Variants in CCSER1 observed in about 807,000 individuals in gnomAD.
CCSER1 encodes the protein serine-rich coiled-coil domain-containing protein 1.
A neutral mutation model predicts 82.0 loss-of-function variants in CCSER1; 41 were observed. The ratio of observed to expected loss-of-function variants is 0.50; its 90% CI spans 0.39 to 0.65. CCSER1 has a LOEUF of 0.65. Ranked by LOEUF, CCSER1 falls within the 30% of genes least tolerant of loss-of-function variation. The pLI is 0.00. For missense variants in CCSER1, 1,119 were observed against 1,064.2 expected, an observed-to-expected ratio of 1.05 and a Z score of -0.72; for synonymous variants, 414 against 383.9, an observed-to-expected ratio of 1.08 and a Z score of -0.92.
At chr4:90,944,964 A>G (rs1732053512) in intron 9 of CCSER1, among the ~76,000 whole-genome samples, 1 of 152,204 alleles carries the variant, frequency 6.6e-6, no homozygotes, top group African/African-American at 2.4e-5. Flanking sequence ...TATTGTGAAG[A>G]AAATGCTTTA....
chr4:90,309,817 A>G lies in CCSER1; in HGVS notation c.1324+209A>G, dbSNP rs1478190707. Among the ~76,000 whole-genome samples the G allele has an allele frequency of 4.6e-5, 7 of 152,152 alleles. No homozygotes were observed. In the East Asian group the frequency reaches 1.4e-3, roughly 29 times the overall value. On this transcript the variant is annotated intron_variant, in intron 2 of 10. Transcript: ENST00000509176. ...TGTTATGCTGAAAATGTAATTCAGCAATATTACTCATTTTTTCTCACTTAT... is the reference window on the plus strand; with the variant it reads ...TGTTATGCTGAAAATGTAATTCAGCGATATTACTCATTTTTTCTCACTTAT...
chr4:90,923,235 G>T, intron 8 of CCSER1, 135 bp from the exon 9 acceptor site: 1 of 665,526 alleles, frequency 1.5e-6, no homozygotes, highest in Non-Finnish European at 2.7e-6. Flanking sequence ...TATTTTAAGA[G>T]CACTAACACA....
intron 10 of CCSER1, among the ~76,000 whole-genome samples, chr4:91,358,413 C>T (rs79348365): frequency 0.04 from 5,522 of 137,228 alleles, 488 homozygotes; most frequent in African/African-American, 0.15. Flanking sequence ...TTTTTTTTCC[C>T]GAGACAAAAT....
intron 9 of CCSER1, among the ~76,000 whole-genome samples, chr4:90,999,883 T>C (rs1274504244): frequency 3.7e-5 from 2 of 54,122 alleles, no homozygotes; most frequent in Non-Finnish European, 8.9e-5. Flanking sequence ...TCTGAGGTTT[T>C]TTTTTTTTTT....
chr4:90,262,045 G>T lies in CCSER1; in HGVS notation c.-41-46199G>T, dbSNP rs1292109669. On this transcript the variant is annotated intron_variant, in intron 1 of 10. Coordinates refer to ENST00000509176, the MANE Select transcript of CCSER1 (RefSeq NM_001145065.2). ...TTTTGTTGATTTTCACCTTTCTCTGGTATTTCCTTGAGTAGCTTAATAATA... is the reference window on the plus strand; with the variant it reads ...TTTTGTTGATTTTCACCTTTCTCTGTTATTTCCTTGAGTAGCTTAATAATA... 2.0e-5 allele frequency among the ~76,000 whole-genome samples: 3 copies of T among 151,476 alleles called. 1 individual carries two copies. Among genetic ancestry groups the T allele is most frequent in the African/African-American group, 7.3e-5 (3 of 41,280 alleles).
chr4:90,710,288 T>G (rs184358836), intron 6 of CCSER1, among the ~76,000 whole-genome samples: 102 of 152,026 alleles, frequency 6.7e-4, no homozygotes, highest in African/African-American at 2.0e-3. Context: ...TGTTGTTGTT[T>G]TTTGTTTTGT....
chr4:90,713,793 G>A (rs1280155559), intron 6 of CCSER1, among the ~76,000 whole-genome samples: 5 of 151,850 alleles, frequency 3.3e-5, no homozygotes, highest in Admixed American at 2.0e-4. Flanking sequence ...TCAGTCGTAG[G>A]TTCAGTCTCT....
chr4:91,071,960 A>G (rs1358613782), intron 9 of CCSER1, among the ~76,000 whole-genome samples: 1 of 152,156 alleles, frequency 6.6e-6, no homozygotes, highest in Non-Finnish European at 1.5e-5. Flanking sequence ...TGTTAGAAAT[A>G]ATACCCCATA....
intron 4 of CCSER1, among the ~76,000 whole-genome samples, chr4:90,441,254 A>G (rs1759836518): frequency 6.6e-6 from 1 of 152,180 alleles, no homozygotes; most frequent in Middle Eastern, 3.4e-3. Context: ...AGTTGCCTAT[A>G]TTATTGTCGT....
rs183362738 is a variant in CCSER1, at chr4:91,226,960, G to C, written c.2217+140966G>C. Reference sequence around the variant, plus strand: ...TGGTCATAAATTATCATAATATTTAGAGTTAAAGGATTATGAGGATTACAT... The same window carrying C: ...TGGTCATAAATTATCATAATATTTACAGTTAAAGGATTATGAGGATTACAT... On this transcript the variant is annotated intron_variant, in intron 10 of 10. Transcript: ENST00000509176. Among the ~76,000 whole-genome samples, 397 of 151,868 alleles carry C rather than the reference G, an allele frequency of 2.6e-3. 3 individuals carry two copies. The highest frequency in any genetic ancestry group is 9.1e-3 in the African/African-American group (377 of 41,494).
intron 8 of CCSER1, among the ~76,000 whole-genome samples, chr4:90,873,623 T>A (rs2150041318): frequency 6.6e-6 from 1 of 152,300 alleles, no homozygotes; most frequent in South Asian, 2.1e-4. Flanking sequence ...TGATTGGTTA[T>A]GACCTTTGAA....
intron 10 of CCSER1, among the ~76,000 whole-genome samples, chr4:91,285,257 T>A (rs1247977947): frequency 4.6e-5 from 7 of 151,628 alleles, no homozygotes; most frequent in Non-Finnish European, 8.8e-5. Context: ...GTTTTTTTTT[T>A]TTTTTTTAAG....
chr4:90,303,837 A>T (rs867521675), intron 1 of CCSER1, among the ~76,000 whole-genome samples: 1 of 151,100 alleles, frequency 6.6e-6, no homozygotes, highest in African/African-American at 2.4e-5. Context: ...TGCACAGCAA[A>T]AGAAACTACC....
chr4:91,017,072 C>T (rs1739493664), intron 9 of CCSER1: 1 of 152,140 alleles, frequency 6.6e-6, no homozygotes, highest in Admixed American at 6.5e-5. Context: ...AATTAATAAA[C>T]TGATAAGATA....
intron 6 of CCSER1, among the ~76,000 whole-genome samples, chr4:90,703,066 G>A (rs1413734967): frequency 2.0e-5 from 3 of 152,094 alleles, no homozygotes; most frequent in Non-Finnish European, 4.4e-5. Context: ...TGTGATGTTA[G>A]GGTGTCAATT....
At chr4:90,882,825 C>T (rs1189659813) in intron 8 of CCSER1, among the ~76,000 whole-genome samples, 1 of 151,916 alleles carries the variant, frequency 6.6e-6, no homozygotes, top group Admixed American at 6.6e-5. Context: ...TACATAATTT[C>T]TCGGTCAAAT....
chr4:90,353,162 A>C (rs1214572852), intron 3 of CCSER1, among the ~76,000 whole-genome samples: 1 of 152,176 alleles, frequency 6.6e-6, no homozygotes, highest in African/African-American at 2.4e-5. Flanking sequence ...GTATAACTTA[A>C]AGAAAATAAT....
chr4:91,185,436 G>T (rs1180851523), intron 10 of CCSER1, among the ~76,000 whole-genome samples: 1 of 152,146 alleles, frequency 6.6e-6, no homozygotes, highest in Non-Finnish European at 1.5e-5. Context: ...TGCTGGCAAG[G>T]GTCCTCCACA....
At chr4:90,619,532 A>G (rs368679833) in intron 5 of CCSER1, among the ~76,000 whole-genome samples, 9 of 152,220 alleles carry the variant, frequency 5.9e-5, no homozygotes, top group African/African-American at 2.2e-4. Flanking sequence ...ACTTCTATAA[A>G]TATTAGGGGG....
Sources: allele counts gnomAD v4.1 joint callset (sites outside exome capture counted in the v4.1 genomes callset), GRCh38; gene constraint gnomAD v4.1.1; transcripts MANE v1.5; gene names NCBI Gene and HGNC (gene_info 2026-07-23, HGNC 2026-07-21).